The following GARNL3 variants were observed in gnomAD, a reference collection of about 807,000 sequenced individuals.
The protein encoded by GARNL3 is GTPase activating Rap/RanGAP domain like 3, also known as GTPase-activating Rap/Ran-GAP domain-like protein 3.
A neutral mutation model predicts 125.0 loss-of-function variants in GARNL3; 63 were observed. The observed-to-expected ratio is 0.50, with a 90% CI of 0.41 to 0.62. GARNL3 has a LOEUF of 0.62. Ranked by LOEUF, GARNL3 falls within the 20% of genes least tolerant of loss-of-function variation. The pLI is 0.00. For synonymous variants in GARNL3, 439 were observed against 457.5 expected (o/e 0.96, Z 0.52); for missense variants, 994 against 1,244.0 (o/e 0.80, Z 3.02).
At chr9:127,325,582 C>T (rs746609281) in intron 7 of GARNL3, among the ~76,000 whole-genome samples, 7 of 152,154 alleles carry the variant, frequency 4.6e-5, no homozygotes, top group Non-Finnish European at 1.0e-4. Context: ...GTTTATGTAT[C>T]TTATCCCTCT....
At chr9:127,356,516 CTTAGAG>C (rs1047550744) in intron 20 of GARNL3, 5 of 152,140 alleles carry the variant, frequency 3.3e-5, no homozygotes, top group African/African-American at 1.2e-4. Context: ...GTATTTTTTG[CTTAGAG>C]TTAAAGCCTT....
At chr9:127,357,141 G>T in intron 20 of GARNL3, 78 bp from the exon 21 acceptor site, 1 of 1,433,734 alleles carries the variant, frequency 7.0e-7, no homozygotes, top group Non-Finnish European at 9.7e-7. Flanking sequence ...TGTAAGGAGG[G>T]AATGGGCAGT....
intron 26 of GARNL3, among the ~76,000 whole-genome samples, chr9:127,389,531 C>T (rs894203237): frequency 3.3e-5 from 5 of 152,164 alleles, no homozygotes; most frequent in African/African-American, 4.8e-5. Flanking sequence ...TGTTTTTACA[C>T]GTGTGTGTTC....
At chr9:127,356,101 G>A (rs879826601) in intron 20 of GARNL3, among the ~76,000 whole-genome samples, 4 of 152,192 alleles carry the variant, frequency 2.6e-5, no homozygotes, top group South Asian at 2.1e-4. Flanking sequence ...CAAAGACTTC[G>A]GCCTTGACTC....
intron 2 of GARNL3, among the ~76,000 whole-genome samples, chr9:127,246,539 C>T (rs2063307120): frequency 6.6e-6 from 1 of 152,156 alleles, no homozygotes; most frequent in Non-Finnish European, 1.5e-5. Context: ...GGAGCGGTGG[C>T]TTATGCCCTT....
At chr9:127,240,577 A>T (rs966978281) in intron 1 of GARNL3, among the ~76,000 whole-genome samples, 3 of 152,178 alleles carry the variant, frequency 2.0e-5, no homozygotes, top group Non-Finnish European at 4.4e-5. Context: ...TACATATGTG[A>T]CTTTACATTT....
chr9:127,391,368 C>T (rs1259740690), intron 27 of GARNL3, among the ~76,000 whole-genome samples: 1 of 143,200 alleles, frequency 7.0e-6, no homozygotes, highest in Non-Finnish European at 1.5e-5. Context: ...AGACTTTTTC[C>T]TCACCAGATT....
At chr9:127,318,400 G>A (rs562100117) in intron 5 of GARNL3, among the ~76,000 whole-genome samples, 37 of 152,270 alleles carry the variant, frequency 2.4e-4, no homozygotes, top group Admixed American at 1.6e-3. Flanking sequence ...GTGGAACCAA[G>A]GCCTGAGTCC....
intron 2 of GARNL3, among the ~76,000 whole-genome samples, chr9:127,256,291 CTTAG>C (rs532535163): frequency 4.1e-4 from 63 of 152,158 alleles, no homozygotes; most frequent in South Asian, 1.4e-3. Context: ...ATAGGAACCA[CTTAG>C]TTAGTAATGT....
chr9:127,297,597 T>G (rs916404701), intron 2 of GARNL3, among the ~76,000 whole-genome samples: 11 of 152,334 alleles, frequency 7.2e-5, no homozygotes, highest in African/African-American at 2.6e-4. Context: ...AAGTCACATG[T>G]GTTGATATAG....
intron 22 of GARNL3, among the ~76,000 whole-genome samples, chr9:127,368,315 G>A (rs949234889): frequency 6.7e-6 from 1 of 148,694 alleles, no homozygotes; most frequent in Non-Finnish European, 1.5e-5. Context: ...AGAAGGTCAG[G>A]TCCAAAATAC....
At chr9:127,251,706 G>A (rs766388793) in intron 2 of GARNL3, among the ~76,000 whole-genome samples, 1 of 152,112 alleles carries the variant, frequency 6.6e-6, no homozygotes, top group Non-Finnish European at 1.5e-5. Flanking sequence ...TTGAGACTAA[G>A]AATTTCTCAC....
intron 21 of GARNL3, among the ~76,000 whole-genome samples, chr9:127,358,781 A>G (rs1830820702): frequency 6.6e-6 from 1 of 152,088 alleles, no homozygotes; most frequent in South Asian, 2.1e-4. Flanking sequence ...TCCTCCAGGG[A>G]TTTCCTGGGT....
chr9:127,391,522 T>TCCAAAAAAAAAAAAAAAAAAAAAAAAA, intron 27 of GARNL3, among the ~76,000 whole-genome samples: 1 of 55,202 alleles, frequency 1.8e-5, no homozygotes, highest in South Asian at 1.1e-3. Flanking sequence ...GACCCATCTC[T>TCCAAAAAAAAAAAAAAAAAAAAAAAAA]ACAAAAAAAA....
intron 22 of GARNL3, among the ~76,000 whole-genome samples, chr9:127,382,901 C>A (rs958953741): frequency 6.6e-6 from 1 of 152,314 alleles, no homozygotes; most frequent in Non-Finnish European, 1.5e-5. Context: ...GAATGAGGCT[C>A]AAGGTGTGAT....
intron 27 of GARNL3, among the ~76,000 whole-genome samples, chr9:127,391,718 A>C (rs905931796): frequency 4.1e-5 from 6 of 147,486 alleles, no homozygotes; most frequent in Non-Finnish European, 7.5e-5. Flanking sequence ...AAAAAAAAAA[A>C]CACTTAGTAA....
intron 17 of GARNL3, 91 bp downstream of exon 17, chr9:127,349,126 A>G (rs941120499): frequency 2.3e-6 from 2 of 855,742 alleles, no homozygotes; most frequent in Non-Finnish European, 4.0e-6. Flanking sequence ...CCTTTGGGCC[A>G]TAAATGTGTG....
Position 127,384,060 on chromosome 9 carries a change from T to TC in GARNL3, c.2269+516dup, listed in dbSNP as rs1458890953. 6.6e-6 allele frequency among the ~76,000 whole-genome samples: 1 copy of TC among 152,232 alleles called. No homozygotes were observed. Among genetic ancestry groups the TC allele is most frequent in the Non-Finnish European group, 1.5e-5 (1 of 68,042 alleles). The stretch of plus-strand genomic sequence containing the variant: ...TGGCCATTGCCTTTTGGAAGTCAGA[T>TC]CAGAGCCAAGAATGTTCCAGTTCAT... On this transcript the variant is annotated intron_variant, in intron 23 of 27. Coordinates refer to ENST00000373387, the MANE Select transcript of GARNL3 (RefSeq NM_032293.5). The surrounding 1 kb of genome is among the most constrained non-coding windows in gnomAD (Gnocchi z 4.0).
At chr9:127,365,521 C>T (rs1831239485) in intron 22 of GARNL3, among the ~76,000 whole-genome samples, 155 bp downstream of exon 22, 1 of 152,088 alleles carries the variant, frequency 6.6e-6, no homozygotes, top group Admixed American at 6.5e-5. Flanking sequence ...ACCTTCCTCC[C>T]TGAGTCTCCC....
Sources: gnomAD v4.1 joint callset for allele counts (sites outside exome capture counted in the v4.1 genomes callset) on GRCh38, gnomAD v4.1.1 for gene constraint, Gnocchi (gnomAD v3.1) non-coding constraint, MANE v1.5 for transcripts, NCBI Gene and HGNC (gene_info 2026-07-23, HGNC 2026-07-21) for gene names.